ESRRG: variants seen among roughly 807,000 people sequenced by gnomAD.
ESRRG encodes estrogen-related receptor gamma.
ESRRG carries 13 observed loss-of-function variants against 44.0 expected under a neutral mutation model. That is an observed-to-expected ratio of 0.30 (90% CI 0.19 to 0.47). The LOEUF (loss-of-function observed/expected upper bound fraction) is 0.47. Among genes scored for constraint, ESRRG ranks in the 20% least tolerant of loss-of-function variants. The pLI, the probability that ESRRG is intolerant of heterozygous loss-of-function variation, is 1.00. For synonymous variants in ESRRG, 215 were observed against 214.6 expected (o/e 1.00, Z -0.02); for missense variants, 395 against 580.6 (o/e 0.68, Z 3.29).
intron 1 of ESRRG, among the ~76,000 whole-genome samples, chr1:217,023,868 G>T (rs2080756904): frequency 6.6e-6 from 1 of 152,162 alleles, no homozygotes; most frequent in Non-Finnish European, 1.5e-5. Flanking sequence ...ACTAGTTCCA[G>T]ATCAGTCTGT....
chr1:217,090,158 C>T (rs529309070), upstream of ESRRG, among the ~76,000 whole-genome samples: 1 of 152,232 alleles, frequency 6.6e-6, no homozygotes, highest in African/African-American at 2.4e-5. Context: ...AATCCTGCTG[C>T]TCCTGCCGCC....
chr1:217,112,805 G>A (rs1408580260), intron 1 of ESRRG, among the ~76,000 whole-genome samples: 1 of 152,166 alleles, frequency 6.6e-6, no homozygotes, highest in East Asian at 1.9e-4. Flanking sequence ...AAGGTTTAAA[G>A]GGATGCCCCA....
At chr1:216,570,413 T>C (rs7539448) in intron 3 of ESRRG, among the ~76,000 whole-genome samples, 7,214 of 152,288 alleles carry the variant, frequency 0.047, 290 homozygotes, top group African/African-American at 0.11. Flanking sequence ...GTTCTGTTTT[T>C]ATTGCATCTA....
chr1:216,883,960 A>T lies in ESRRG; in HGVS notation c.-14+55622T>A, dbSNP rs1050746212. Reference sequence around the variant, plus strand: ...TAATTTATGTAATTTAAAAAAATTAAATAGTCATATTTTAAATCCCCACTG... The same window carrying T: ...TAATTTATGTAATTTAAAAAAATTATATAGTCATATTTTAAATCCCCACTG... On this transcript the variant is annotated intron_variant, in intron 2 of 7. Coordinates refer to the ESRRG transcript ENST00000359162. Among the ~76,000 whole-genome samples, 5 of 152,236 alleles carry T rather than the reference A, an allele frequency of 3.3e-5. No individual in the cohort carries two copies. The South Asian group carries it at 8.3e-4, about 25-fold the overall frequency.
In ESRRG at chr1:216,884,775, G is replaced by C. The variant is rs143769570; in HGVS notation, c.-14+54807C>G. Among the ~76,000 whole-genome samples the C allele has an allele frequency of 3.9e-3, 592 of 152,226 alleles. 5 individuals carry two copies. The highest frequency in any genetic ancestry group is 0.014 in the African/African-American group (579 of 41,534). On this transcript the variant is annotated intron_variant, in intron 2 of 7. Coordinates refer to the ESRRG transcript ENST00000359162. ...TGGGCTCTGCTGTAATTGCAGTGAGGTTTACAGCTGCTTTGTTCTGGTTTA... is the reference window on the plus strand; with the variant it reads ...TGGGCTCTGCTGTAATTGCAGTGAGCTTTACAGCTGCTTTGTTCTGGTTTA...
chr1:216,833,221 A>C (rs1347773096), intron 2 of ESRRG, among the ~76,000 whole-genome samples: 1 of 93,974 alleles, frequency 1.1e-5, no homozygotes, highest in Non-Finnish European at 2.3e-5. Context: ...ATATTTTCTA[A>C]AAAAAAACAC....
intron 2 of ESRRG, among the ~76,000 whole-genome samples, chr1:216,876,006 C>T (rs2096346495): frequency 6.6e-6 from 1 of 152,200 alleles, no homozygotes; most frequent in Non-Finnish European, 1.5e-5. Flanking sequence ...GCTCCCTAGA[C>T]TTTTCTTAAA....
chr1:216,840,341 C>CA (rs1340873180), intron 2 of ESRRG, among the ~76,000 whole-genome samples: 1 of 152,206 alleles, frequency 6.6e-6, no homozygotes, highest in Non-Finnish European at 1.5e-5. Context: ...TCACCTCTCT[C>CA]AGCCTTCACA....
intron 3 of ESRRG, among the ~76,000 whole-genome samples, chr1:216,571,190 T>C (rs1282324384): frequency 2.0e-5 from 3 of 152,176 alleles, no homozygotes; most frequent in Non-Finnish European, 4.4e-5. Flanking sequence ...TTTTATTATG[T>C]ATTATGGATT....
intron 2 of ESRRG, among the ~76,000 whole-genome samples, chr1:216,929,475 C>T (rs79427419): frequency 2.6e-5 from 4 of 152,154 alleles, no homozygotes; most frequent in South Asian, 2.1e-4. Flanking sequence ...TCACCCAGTG[C>T]GTGTGTGGAG....
At chr1:216,712,086 A>C (rs1185887361) in intron 1 of ESRRG, among the ~76,000 whole-genome samples, 1 of 152,192 alleles carries the variant, frequency 6.6e-6, no homozygotes, top group Non-Finnish European at 1.5e-5. Flanking sequence ...TCAATTTTTT[A>C]ATTAATATCA....
At chr1:216,690,855 C>T (rs970103688) in intron 1 of ESRRG, among the ~76,000 whole-genome samples, 7 of 152,138 alleles carry the variant, frequency 4.6e-5, no homozygotes, top group Non-Finnish European at 1.0e-4. Context: ...CTTAGGCCAG[C>T]TCTTTTCTTA....
At chr1:216,782,310 C>T (rs1314689543) in intron 2 of ESRRG, among the ~76,000 whole-genome samples, 1 of 151,974 alleles carries the variant, frequency 6.6e-6, no homozygotes, top group Non-Finnish European at 1.5e-5. Flanking sequence ...GGCATTGCCA[C>T]CTGTGAGTAA....
upstream of ESRRG, among the ~76,000 whole-genome samples, chr1:217,094,525 G>A (rs570895597): frequency 1.3e-5 from 2 of 152,270 alleles, no homozygotes; most frequent in African/African-American, 4.8e-5. Flanking sequence ...TTCTCATCAG[G>A]TTTTTGTTGG....
intron 2 of ESRRG, among the ~76,000 whole-genome samples, chr1:216,890,564 T>C (rs1413466070): frequency 6.6e-6 from 1 of 152,222 alleles, no homozygotes; most frequent in Non-Finnish European, 1.5e-5. Context: ...TCACTGCTCC[T>C]GTTGGGCTGG....
intron 1 of ESRRG, among the ~76,000 whole-genome samples, chr1:217,026,565 C>A (rs1023823100): frequency 2.6e-5 from 4 of 152,132 alleles, no homozygotes; most frequent in African/African-American, 9.7e-5. Context: ...TGGTGGAATG[C>A]TTCCCATTTG....
At position 217,116,602 on chromosome 1, in the gene ESRRG, T is replaced by C. The variant is rs2092731831; in HGVS notation, c.-230+21065A>G. ...AGTGTAACTTTGATATTTCCTGTTA[T>C]AATTTTGACATTACTGATGGGACAG... On this transcript the variant is annotated intron_variant, in intron 1 of 8. Transcript: ENST00000366940. 2.6e-5 allele frequency among the ~76,000 whole-genome samples: 4 copies of C among 152,234 alleles called. No individual in the cohort carries two copies. The South Asian group carries it at 8.3e-4, about 32-fold the overall frequency.
At chr1:216,845,744 A>G (rs1344160163) in intron 2 of ESRRG, among the ~76,000 whole-genome samples, 1 of 152,168 alleles carries the variant, frequency 6.6e-6, no homozygotes, top group African/African-American at 2.4e-5. Flanking sequence ...CAAAACATCC[A>G]GATTCAGGCA....
At chr1:216,730,607 T>C (rs146476686) in intron 2 of ESRRG, among the ~76,000 whole-genome samples, 12 of 152,262 alleles carry the variant, frequency 7.9e-5, no homozygotes, top group African/African-American at 2.6e-4. Context: ...AGGAACACAA[T>C]GAATATGTCT....
Sources: gnomAD v4.1 joint callset for allele counts (sites outside exome capture counted in the v4.1 genomes callset) on GRCh38, gnomAD v4.1.1 for gene constraint, MANE v1.5 for transcripts, NCBI Gene and HGNC (gene_info 2026-07-23, HGNC 2026-07-21) for gene names.